Variants in FAM117A observed in about 807,000 individuals in gnomAD.
FAM117A encodes the protein family with sequence similarity 117 member A.
A neutral mutation model predicts 44.1 loss-of-function variants in FAM117A; 21 were observed. The ratio of observed to expected loss-of-function variants is 0.48; its 90% CI spans 0.34 to 0.69. The LOEUF (loss-of-function observed/expected upper bound fraction) is 0.69. Among genes scored for constraint, FAM117A ranks in the 30% least tolerant of loss-of-function variants. The pLI is 0.01. For missense variants in FAM117A, 498 were observed against 589.9 expected (o/e 0.84, Z 1.61); for synonymous variants, 220 against 238.3 (o/e 0.92, Z 0.71).
chr17:49,741,852 T>C (rs1033376605), intron 1 of FAM117A, among the ~76,000 whole-genome samples: 10 of 152,112 alleles, frequency 6.6e-5, no homozygotes, highest in Middle Eastern at 3.2e-3. Context: ...GCTGCTTAAC[T>C]GCTTAACTAG....
chr17:49,788,702 G>A (rs554213886), upstream of FAM117A: 17 of 959,532 alleles, frequency 1.8e-5, no homozygotes, highest in African/African-American at 1.0e-4. Flanking sequence ...CAGACGCTGA[G>A]AGGCAGGAGG....
At chr17:49,743,679 A>T (rs2073643428) in intron 1 of FAM117A, among the ~76,000 whole-genome samples, 2 of 152,258 alleles carry the variant, frequency 1.3e-5, no homozygotes, top group Middle Eastern at 3.4e-3. Context: ...CAGTGAGCCG[A>T]GATCGTGCCA....
Position 49,711,758 on chromosome 17 carries a change from C to T in FAM117A, c.1062-203G>A, listed in dbSNP as rs1264579203. ...CTAAACAACGGGAAATGCTCTTCAG[C>T]TAAAAAAAGGAGGGATTGAAGCTAG... On this transcript the variant is annotated intron_variant, in intron 7 of 7. Transcript: ENST00000240364. Among the ~76,000 whole-genome samples the T allele has an allele frequency of 2.6e-5, 4 of 152,042 alleles. No homozygotes were observed. The East Asian group carries it at 7.7e-4, about 29-fold the overall frequency.
intron 2 of FAM117A, among the ~76,000 whole-genome samples, chr17:49,728,373 C>T (rs765969042): frequency 6.6e-6 from 1 of 151,570 alleles, no homozygotes; most frequent in African/African-American, 2.4e-5. Flanking sequence ...CACCTCTGGC[C>T]TTCCTCATAC....
At chr17:49,732,773 G>A (rs903695888) in intron 1 of FAM117A, 53 bp from the exon 2 acceptor site, 16 of 1,563,742 alleles carry the variant, frequency 1.0e-5, no homozygotes, top group Middle Eastern at 1.8e-4. Context: ...GGAAGGAGAC[G>A]TGGCAATCAC....
chr17:49,720,166 T>C, intron 4 of FAM117A, 160 bp downstream of exon 4: 1 of 682,750 alleles, frequency 1.5e-6, no homozygotes, highest in Non-Finnish European at 2.4e-6. Context: ...CAAGAAGCCC[T>C]TCCAATATCA....
At chr17:49,756,711 T>A (rs1279561348) in intron 1 of FAM117A, among the ~76,000 whole-genome samples, 3 of 150,234 alleles carry the variant, frequency 2.0e-5, no homozygotes, top group Non-Finnish European at 4.4e-5. Flanking sequence ...AGGTCAGGAG[T>A]TCGAGACCAG....
At chr17:49,751,028 C>T (rs2073674946) in intron 1 of FAM117A, among the ~76,000 whole-genome samples, 1 of 152,046 alleles carries the variant, frequency 6.6e-6, no homozygotes, top group African/African-American at 2.4e-5. Context: ...GCCTATAATC[C>T]CAGCACTTTG....
chr17:49,761,342 C>T (rs756724316), intron 1 of FAM117A, among the ~76,000 whole-genome samples: 2 of 152,200 alleles, frequency 1.3e-5, no homozygotes, highest in Non-Finnish European at 2.9e-5. Context: ...TCTGGGTTTG[C>T]TCTTTGAAGC....
chr17:49,786,368 G>T (rs2073805830), intron 1 of FAM117A, among the ~76,000 whole-genome samples: 1 of 152,180 alleles, frequency 6.6e-6, no homozygotes, highest in South Asian at 2.1e-4. Context: ...TTTCCAGGGA[G>T]GATAACTTCA....
At chr17:49,728,097 A>T (rs1208650928) in intron 2 of FAM117A, among the ~76,000 whole-genome samples, 2 of 152,208 alleles carry the variant, frequency 1.3e-5, no homozygotes, top group East Asian at 3.9e-4. Flanking sequence ...CAACTCTCAG[A>T]TTTTCCATCA....
intron 2 of FAM117A, among the ~76,000 whole-genome samples, chr17:49,728,036 A>T (rs2073567930): frequency 6.6e-6 from 1 of 152,330 alleles, no homozygotes; most frequent in East Asian, 1.9e-4. Flanking sequence ...CAGCACTGAA[A>T]ACTGGCTGCA....
Position 49,732,623 on chromosome 17 carries a change from G to T in FAM117A, c.294C>A (p.Ser98=), listed in dbSNP as rs1448674396. ...CTCGTGGCCACTGGCCCAGAAGGTA[G>T]GAGCTGAGGATGGTGTCCAGGGAGA... ...RTFSLDTILS[S]YLLGQWPRDA... is the part of the protein sequence containing the mutation. Residue 98 remains serine (S), a synonymous_variant, in exon 2 of 8, where the codon TCC becomes TCA. Coordinates refer to ENST00000240364, the MANE Select transcript of FAM117A (RefSeq NM_030802.4). The T allele has an allele frequency of 1.9e-6, 3 of 1,614,164 alleles. No individual in the cohort carries two copies. Among genetic ancestry groups the T allele is most frequent in the Non-Finnish European group, 2.5e-6 (3 of 1,180,018 alleles).
At chr17:49,764,146 C>T, upstream of FAM117A, 1 of 884,080 alleles carries the variant, frequency 1.1e-6, no homozygotes, top group Non-Finnish European at 1.5e-6. Flanking sequence ...CCCCAACCCC[C>T]GAGGCCGCTG....
chr17:49,788,809 G>C (rs200198248), upstream of FAM117A: 7 of 1,579,278 alleles, frequency 4.4e-6, no homozygotes, highest in Non-Finnish European at 6.0e-6. Context: ...GCCCGAATCG[G>C]AACCGTCGGG....
At chr17:49,763,704 G>A (rs2073732621) in intron 1 of FAM117A, among the ~76,000 whole-genome samples, 188 bp downstream of exon 1, 1 of 151,464 alleles carries the variant, frequency 6.6e-6, no homozygotes, top group Admixed American at 6.6e-5. Context: ...CCGTCCCAGC[G>A]GTGCTCCCCA....
At chr17:49,784,767 C>T (rs1228826190) in intron 1 of FAM117A, among the ~76,000 whole-genome samples, 1 of 152,194 alleles carries the variant, frequency 6.6e-6, no homozygotes, top group Non-Finnish European at 1.5e-5. Flanking sequence ...CCCTATTTTC[C>T]CATGTAATAC....
intron 7 of FAM117A, among the ~76,000 whole-genome samples, chr17:49,714,526 C>A (rs1055443894): frequency 6.6e-6 from 1 of 151,596 alleles, no homozygotes. Flanking sequence ...TTAGTAGAGG[C>A]TGGGTTTTGC....
chr17:49,717,451 A>T, intron 6 of FAM117A, 62 bp downstream of exon 6: 5 of 1,461,348 alleles, frequency 3.4e-6, no homozygotes, highest in Non-Finnish European at 4.7e-6. Context: ...GAGGTGGAAA[A>T]GGGAGTGGAG....
Sources: gnomAD v4.1 joint callset for allele counts (sites outside exome capture counted in the v4.1 genomes callset) on GRCh38, gnomAD v4.1.1 for gene constraint, MANE v1.5 for transcripts, NCBI Gene and HGNC (gene_info 2026-07-23, HGNC 2026-07-21) for gene names.